Variants in SLC16A7 observed in about 807,000 individuals in gnomAD.
SLC16A7 encodes monocarboxylate transporter 2.
Under a neutral mutation model 34.9 loss-of-function variants are expected in SLC16A7, and 33 were observed. The ratio of observed to expected loss-of-function variants is 0.94; its 90% confidence interval spans 0.72 to 1.26. The LOEUF is 1.26. SLC16A7 is among the 50% of genes most tolerant of loss of function. The pLI, the probability that SLC16A7 is intolerant of heterozygous loss-of-function variation, is 0.00. For synonymous variants in SLC16A7, 201 were observed against 206.6 expected, an observed-to-expected ratio of 0.97 and a Z score of 0.23; for missense variants, 573 against 578.1, an observed-to-expected ratio of 0.99 and a Z score of 0.09.
chr12:59,704,266 C>T (rs1465410244), intron 2 of SLC16A7, among the ~76,000 whole-genome samples: 1 of 149,042 alleles, frequency 6.7e-6, no homozygotes, highest in African/African-American at 2.5e-5. Context: ...AGAATTATCT[C>T]TACAATCATC....
intron 3 of SLC16A7, among the ~76,000 whole-genome samples, chr12:59,733,543 A>G (rs2706310): frequency 0.12 from 18,661 of 152,146 alleles, 1,495 homozygotes; most frequent in African/African-American, 0.22. Flanking sequence ...GAAGCTTGGC[A>G]ATGCCAGGAG....
At chr12:59,632,712 C>T (rs1235564275) in intron 1 of SLC16A7, among the ~76,000 whole-genome samples, 1 of 151,978 alleles carries the variant, frequency 6.6e-6, no homozygotes, top group Non-Finnish European at 1.5e-5. Flanking sequence ...AGTATCACCC[C>T]CGGTTAAGGT....
At chr12:59,641,505 T>G (rs1196168263) in intron 1 of SLC16A7, among the ~76,000 whole-genome samples, 2 of 152,080 alleles carry the variant, frequency 1.3e-5, no homozygotes, top group Admixed American at 6.6e-5. Flanking sequence ...AAGCCAATAC[T>G]TTTTTGATGA....
chr12:59,744,430 A>T (rs1192175975), intron 3 of SLC16A7, among the ~76,000 whole-genome samples: 1 of 152,056 alleles, frequency 6.6e-6, no homozygotes, highest in African/African-American at 2.4e-5. Flanking sequence ...ACTCTGGGGG[A>T]AGCTTATCTT....
At position 59,779,654 on chromosome 12, in the gene SLC16A7, C is replaced by A. The variant is rs768202290; in HGVS notation, c.1412C>A (p.Thr471Asn). The A allele has an allele frequency of 6.2e-7, 1 of 1,609,998 alleles. No homozygotes were observed. Among genetic ancestry groups the A allele is most frequent in the African/African-American group, 1.3e-5 (1 of 74,834 alleles). ...NVKVSNAQSVTSERETNI is the reference protein window; with the variant it reads ...NVKVSNAQSVNSERETNI ...AAAGTTTCAAATGCACAGAGTGTAA[C>A]CTCAGAAAGAGAAACTAACATTTAA... is the stretch of plus-strand genomic sequence containing the variant. The change falls in exon 6 of 6, where the codon ACC becomes AAC. Residue 471 changes from threonine to asparagine, a missense_variant. Transcript: ENST00000547379.
chr12:59,753,744 C>G (rs1393044928), intron 3 of SLC16A7, among the ~76,000 whole-genome samples: 1 of 152,124 alleles, frequency 6.6e-6, no homozygotes, highest in East Asian at 1.9e-4. Flanking sequence ...CTCAGCTCTG[C>G]AACAAGCAGA....
intron 2 of SLC16A7, among the ~76,000 whole-genome samples, chr12:59,665,809 C>CGTGT (rs34983187): frequency 0.03 from 4,220 of 143,014 alleles, 177 homozygotes; most frequent in African/African-American, 0.096. Context: ...ATATATAACA[C>CGTGT]GTGTGTGTGT....
Position 59,605,464 on chromosome 12 carries a change from T to A in SLC16A7, c.-130+9228T>A, listed in dbSNP as rs547331918. On this transcript the variant is annotated intron_variant, in intron 1 of 5. Transcript: ENST00000547379. The stretch of plus-strand genomic sequence containing the variant: ...GTGAGTGCATGAACAGAGTAGGGTC[T>A]GGAGAATTCTCATAGATGGGTATAT... Among the ~76,000 whole-genome samples, 10 of 152,326 alleles carry A rather than the reference T, an allele frequency of 6.6e-5. No homozygotes were observed. The East Asian group carries it at 1.5e-3, about 24-fold the overall frequency.
At chr12:59,755,977 G>A (rs9668592) in intron 3 of SLC16A7, among the ~76,000 whole-genome samples, 6,832 of 152,206 alleles carry the variant, frequency 0.045, 488 homozygotes, top group African/African-American at 0.16. Context: ...TCTGATCTTG[G>A]ACAAACCTGA....
intron 2 of SLC16A7, among the ~76,000 whole-genome samples, chr12:59,696,129 T>C (rs1872260363): frequency 6.6e-6 from 1 of 151,984 alleles, no homozygotes; most frequent in Admixed American, 6.6e-5. Context: ...TTCTTTCTTA[T>C]AATAATAGGC....
chr12:59,644,365 G>A (rs546011453), intron 1 of SLC16A7, among the ~76,000 whole-genome samples: 4 of 152,078 alleles, frequency 2.6e-5, no homozygotes, highest in African/African-American at 4.8e-5. Flanking sequence ...TCAGGAGTTC[G>A]AGACCAGCCT....
At chr12:59,720,116 T>G in intron 3 of SLC16A7, 2 of 699,364 alleles carry the variant, frequency 2.9e-6, no homozygotes, top group Non-Finnish European at 2.6e-6. Context: ...TTCCATCAGT[T>G]GATTGACGTG....
At chr12:59,680,671 C>T in intron 2 of SLC16A7, among the ~76,000 whole-genome samples, 1 of 151,910 alleles carries the variant, frequency 6.6e-6, no homozygotes. Flanking sequence ...TTCTCATTGC[C>T]TCTCTCCTCT....
intron 3 of SLC16A7, among the ~76,000 whole-genome samples, chr12:59,712,324 A>C (rs543816879): frequency 6.6e-6 from 1 of 152,352 alleles, no homozygotes; most frequent in South Asian, 2.1e-4. Context: ...TAGGGTCAAT[A>C]ATCATTTCTA....
At chr12:59,722,759 G>A (rs1033481732) in intron 3 of SLC16A7, among the ~76,000 whole-genome samples, 4 of 151,702 alleles carry the variant, frequency 2.6e-5, no homozygotes, top group African/African-American at 4.8e-5. Flanking sequence ...CACGTCACAC[G>A]GTTCTATCCA....
intron 2 of SLC16A7, among the ~76,000 whole-genome samples, chr12:59,668,733 T>C (rs1287744169): frequency 6.6e-6 from 1 of 152,116 alleles, no homozygotes; most frequent in Non-Finnish European, 1.5e-5. Context: ...CGACATGAAA[T>C]TTGGAAGGGG....
At chr12:59,705,982 T>C (rs1565661517) in intron 3 of SLC16A7, among the ~76,000 whole-genome samples, 1 of 152,158 alleles carries the variant, frequency 6.6e-6, no homozygotes, top group Non-Finnish European at 1.5e-5. Context: ...CCTAAGTACT[T>C]AATATGTGTG....
chr12:59,724,864 G>T (rs1876046204), intron 3 of SLC16A7, among the ~76,000 whole-genome samples: 1 of 151,852 alleles, frequency 6.6e-6, no homozygotes, highest in South Asian at 2.1e-4. Context: ...TTAAAAGCAA[G>T]TCTCTATAAA....
intron 3 of SLC16A7, among the ~76,000 whole-genome samples, chr12:59,764,431 A>C (rs1881352980): frequency 1.3e-5 from 2 of 151,818 alleles, no homozygotes; most frequent in Admixed American, 1.3e-4. Context: ...TGCTGCGCCC[A>C]TTAACTCGTC....
Sources: gnomAD v4.1 joint callset for allele counts (sites outside exome capture counted in the v4.1 genomes callset) on GRCh38, gnomAD v4.1.1 for gene constraint, MANE v1.5 for transcripts, NCBI Gene and HGNC (gene_info 2026-07-23, HGNC 2026-07-21) for gene names.